THSD4: variants seen among roughly 807,000 people sequenced by gnomAD.
THSD4 encodes thrombospondin type-1 domain-containing protein 4.
THSD4 carries 69 observed loss-of-function variants against 119.0 expected under a neutral mutation model. The observed-to-expected ratio is 0.58, with a 90% CI of 0.48 to 0.71. The LOEUF (loss-of-function observed/expected upper bound fraction) is 0.71, where lower values mean the gene tolerates loss of function less well. Among genes scored for constraint, THSD4 ranks in the 30% least tolerant of loss-of-function variants. THSD4 has a pLI of 0.00. For synonymous variants in THSD4, 524 were observed against 540.4 expected (o/e 0.97, Z 0.42); for missense variants, 1,393 against 1,391.1 (o/e 1.00, Z -0.02).
intron 8 of THSD4, among the ~76,000 whole-genome samples, chr15:71,670,088 T>G (rs750289819): frequency 6.6e-6 from 1 of 152,202 alleles, no homozygotes; most frequent in Non-Finnish European, 1.5e-5. Flanking sequence ...GTACCTTTTT[T>G]TTTATTATTA....
chr15:71,566,477 G>T (rs1285604130), intron 7 of THSD4, among the ~76,000 whole-genome samples: 4 of 152,096 alleles, frequency 2.6e-5, no homozygotes, highest in Non-Finnish European at 4.4e-5. Context: ...GGTTGTGGGG[G>T]TAGACAGATA....
intron 4 of THSD4, among the ~76,000 whole-genome samples, chr15:71,239,268 C>G (rs2044131966): frequency 6.6e-6 from 1 of 152,154 alleles, no homozygotes. Context: ...TAGGGTGCAA[C>G]ATTTAAGAAG....
chr15:71,220,921 A>T (rs1219981561), intron 4 of THSD4, among the ~76,000 whole-genome samples: 2 of 152,126 alleles, frequency 1.3e-5, no homozygotes, highest in Non-Finnish European at 2.9e-5. Flanking sequence ...TAGTGAGGGC[A>T]ATGGCAGCCT....
At chr15:71,563,446 A>T (rs75057663) in intron 7 of THSD4, among the ~76,000 whole-genome samples, 2 of 152,228 alleles carry the variant, frequency 1.3e-5, no homozygotes, top group African/African-American at 4.8e-5. Flanking sequence ...ACTACGTGTA[A>T]GCACTTCGGG....
intron 5 of THSD4, among the ~76,000 whole-genome samples, chr15:71,244,939 C>A (rs1296973902): frequency 6.6e-6 from 1 of 152,188 alleles, no homozygotes; most frequent in East Asian, 1.9e-4. Context: ...AGCTGATGCC[C>A]GCTTAGCATT....
chr15:71,650,035 C>T (rs1441722151), intron 7 of THSD4, among the ~76,000 whole-genome samples: 1 of 152,184 alleles, frequency 6.6e-6, no homozygotes, highest in Non-Finnish European at 1.5e-5. Context: ...GGCAATCTCT[C>T]ACACCTCAGA....
chr15:71,155,880 G>A (rs1027217580), intron 3 of THSD4, among the ~76,000 whole-genome samples: 1 of 152,010 alleles, frequency 6.6e-6, no homozygotes, highest in Non-Finnish European at 1.5e-5. Context: ...GACTCCCTTT[G>A]GCCAAACCAA....
intron 8 of THSD4, among the ~76,000 whole-genome samples, chr15:71,692,839 C>T (rs779143290): frequency 3.3e-5 from 5 of 152,044 alleles, no homozygotes; most frequent in Admixed American, 6.5e-5. Flanking sequence ...AAATGCTGAC[C>T]GAGGTCATAT....
chr15:71,746,709 A>G (rs2053344540), intron 12 of THSD4, 129 bp from the exon 13 acceptor site: 3 of 1,042,982 alleles, frequency 2.9e-6, no homozygotes, highest in East Asian at 2.5e-5. Flanking sequence ...CTGACTTTCA[A>G]GCAATGCTCT....
At chr15:71,756,540 T>TG (rs2141191703) in intron 14 of THSD4, among the ~76,000 whole-genome samples, 1 of 152,264 alleles carries the variant, frequency 6.6e-6, no homozygotes, top group South Asian at 2.1e-4. Context: ...CCCAGCACTT[T>TG]GGGAGGCCGA....
At chr15:71,347,870 C>A (rs1449013138) in intron 6 of THSD4, among the ~76,000 whole-genome samples, 1 of 152,150 alleles carries the variant, frequency 6.6e-6, no homozygotes, top group Non-Finnish European at 1.5e-5. Context: ...TTCAGATGAT[C>A]AGCCGGACCA....
intron 7 of THSD4, among the ~76,000 whole-genome samples, chr15:71,486,758 T>C (rs2140684302): frequency 6.6e-6 from 1 of 152,250 alleles, no homozygotes; most frequent in East Asian, 1.9e-4. Context: ...TGCTGGCTCA[T>C]GGTGAGGTAA....
chr15:71,402,716 C>G (rs898638711), intron 6 of THSD4, among the ~76,000 whole-genome samples: 2 of 152,144 alleles, frequency 1.3e-5, no homozygotes, highest in Non-Finnish European at 2.9e-5. Context: ...TCAGGCACAG[C>G]GCAAGCTCCA....
At chr15:71,133,452 A>G (rs536792489) in intron 1 of THSD4, among the ~76,000 whole-genome samples, 1 of 152,336 alleles carries the variant, frequency 6.6e-6, no homozygotes, top group South Asian at 2.1e-4. Flanking sequence ...TCTAGACACC[A>G]GAAATATAAC....
At chr15:71,152,299 G>A (rs1402063448) in intron 2 of THSD4, among the ~76,000 whole-genome samples, 2 of 151,892 alleles carry the variant, frequency 1.3e-5, no homozygotes, top group Non-Finnish European at 2.9e-5. Flanking sequence ...AGTGCTGCCT[G>A]TAATTCCAGC....
At chr15:71,199,864 GGTGT>G (rs1185713419) in intron 3 of THSD4, among the ~76,000 whole-genome samples, 4 of 146,392 alleles carry the variant, frequency 2.7e-5, no homozygotes, top group African/African-American at 1.0e-4. Context: ...GCATGTGTGG[GGTGT>G]GTGTGTGTGT....
intron 6 of THSD4, among the ~76,000 whole-genome samples, chr15:71,277,709 C>A (rs1315986463): frequency 6.6e-6 from 1 of 152,128 alleles, no homozygotes; most frequent in East Asian, 1.9e-4. Flanking sequence ...ACGTGGGAGA[C>A]ATTTCTGGGT....
At chr15:71,720,135 T>C (rs8041263) in intron 8 of THSD4, among the ~76,000 whole-genome samples, 133,732 of 149,546 alleles carry the variant, frequency 0.89, 61,520 homozygotes, top group Non-Finnish European at 1. Context: ...ACTGCAGCTT[T>C]AACCTCCTGG....
chr15:71,473,284 C>T (rs1268989080), intron 7 of THSD4, among the ~76,000 whole-genome samples: 1 of 152,146 alleles, frequency 6.6e-6, no homozygotes, highest in Non-Finnish European at 1.5e-5. Flanking sequence ...TCTCCAACTC[C>T]TGGGCTCAAA....
Sources: gnomAD v4.1 joint callset for allele counts (sites outside exome capture counted in the v4.1 genomes callset) on GRCh38, gnomAD v4.1.1 for gene constraint, MANE v1.5 for transcripts, NCBI Gene and HGNC (gene_info 2026-07-23, HGNC 2026-07-21) for gene names.